PPFIA2: variants seen among roughly 807,000 people sequenced by gnomAD.
PPFIA2 encodes PPFI scaffold protein A2, also known as liprin-alpha-2.
Under a neutral mutation model 175.5 loss-of-function variants are expected in PPFIA2, and 46 were observed. The observed-to-expected ratio is 0.26, with a 90% CI of 0.21 to 0.34. PPFIA2 has a LOEUF of 0.34. Among genes scored for constraint, PPFIA2 ranks in the 10% least tolerant of loss-of-function variants. The pLI is 1.00. For missense variants in PPFIA2, 1,179 were observed against 1,506.1 expected, an observed-to-expected ratio of 0.78 and a Z score of 3.60; for synonymous variants, 568 against 511.4, an observed-to-expected ratio of 1.11 and a Z score of -1.49.
chr12:81,465,835 G>A (rs1454149530), intron 4 of PPFIA2, among the ~76,000 whole-genome samples: 3 of 152,066 alleles, frequency 2.0e-5, no homozygotes, highest in Non-Finnish European at 4.4e-5. Context: ...AAATTCAGAG[G>A]AGTCTTTAGA....
In PPFIA2 at chr12:81,529,376, A is replaced by C. The variant is rs1246757206; in HGVS notation, c.304-71510T>G. On this transcript the variant is annotated intron_variant, in intron 4 of 32. Transcript: ENST00000549396. ...GCATCAAGTGATAAAGTAATGTCTT[A>C]ATTTTCTTGAATTTATATTTTTCTG... Among the ~76,000 whole-genome samples the C allele has an allele frequency of 2.6e-5, 4 of 151,976 alleles. No homozygotes were observed. In the East Asian group the frequency reaches 5.8e-4, roughly 22 times the overall value.
intron 4 of PPFIA2, among the ~76,000 whole-genome samples, chr12:81,623,760 T>G (rs1348393417): frequency 6.6e-6 from 1 of 151,898 alleles, no homozygotes; most frequent in Non-Finnish European, 1.5e-5. Flanking sequence ...TAGCACTCAA[T>G]TTTCCACCTA....
At chr12:81,461,057 CA>C (rs2054452976) in intron 4 of PPFIA2, among the ~76,000 whole-genome samples, 1 of 152,086 alleles carries the variant, frequency 6.6e-6, no homozygotes, top group Non-Finnish European at 1.5e-5. Flanking sequence ...TTTTTACCTT[CA>C]AATATATCAA....
At chr12:81,687,221 C>T (rs901926104) in intron 3 of PPFIA2, among the ~76,000 whole-genome samples, 4 of 151,988 alleles carry the variant, frequency 2.6e-5, no homozygotes, top group Admixed American at 2.6e-4. Flanking sequence ...GATAATCAAA[C>T]CTCTGTACAT....
chr12:81,555,390 G>A (rs751944485), intron 4 of PPFIA2, among the ~76,000 whole-genome samples: 7 of 151,880 alleles, frequency 4.6e-5, no homozygotes, highest in Non-Finnish European at 7.4e-5. Flanking sequence ...TGTATAAAAC[G>A]TCTTCACTGA....
intron 3 of PPFIA2, among the ~76,000 whole-genome samples, chr12:81,752,759 C>A (rs940859956): frequency 6.6e-6 from 1 of 152,100 alleles, no homozygotes. Flanking sequence ...ATCTTTGCTA[C>A]AAGCCATAAC....
At chr12:81,684,611 G>A (rs1439518542) in intron 3 of PPFIA2, among the ~76,000 whole-genome samples, 1 of 152,122 alleles carries the variant, frequency 6.6e-6, no homozygotes, top group East Asian at 1.9e-4. Flanking sequence ...ATGGCTGAAA[G>A]CAATAATGTT....
At chr12:81,679,568 G>C (rs77593226) in intron 3 of PPFIA2, among the ~76,000 whole-genome samples, 2,023 of 151,960 alleles carry the variant, frequency 0.013, 45 homozygotes, top group East Asian at 0.055. Flanking sequence ...GAATGTAGAA[G>C]ATGAATGAAA....
At position 81,394,426 on chromosome 12, in the gene PPFIA2, A is replaced by G. The variant is rs1033432887; in HGVS notation, c.763-10182T>C. 2.0e-5 allele frequency among the ~76,000 whole-genome samples: 3 copies of G among 152,010 alleles called. No homozygotes were observed. In the East Asian group the frequency reaches 5.8e-4, roughly 29 times the overall value. ...TACAACAGAGTTTAATTTATTTTCT[A>G]TTTTTAAAAATTTCACTTCTGTCAG... On this transcript the variant is annotated intron_variant, in intron 8 of 32. Transcript: ENST00000549396.
chr12:81,553,097 A>T (rs1046478895), intron 4 of PPFIA2, among the ~76,000 whole-genome samples: 1 of 151,996 alleles, frequency 6.6e-6, no homozygotes, highest in Admixed American at 6.6e-5. Context: ...GATACATGAA[A>T]TTCCAGAGAA....
At chr12:81,334,301 G>GA (rs1458101562) in intron 21 of PPFIA2, among the ~76,000 whole-genome samples, 2 of 152,062 alleles carry the variant, frequency 1.3e-5, no homozygotes, top group Non-Finnish European at 2.9e-5. Flanking sequence ...TAAGTATAAA[G>GA]TTTGTATTTG....
chr12:81,716,545 AG>A (rs1279231009), intron 3 of PPFIA2, among the ~76,000 whole-genome samples: 1 of 147,204 alleles, frequency 6.8e-6, no homozygotes, highest in African/African-American at 2.4e-5. Context: ...ATACTTGGAA[AG>A]TACCAACACA....
chr12:81,554,061 C>T (rs897122216), intron 4 of PPFIA2, among the ~76,000 whole-genome samples: 30 of 151,824 alleles, frequency 2.0e-4, no homozygotes, highest in Non-Finnish European at 1.0e-4. Context: ...CCAATTTATA[C>T]TAAATATCAC....
At chr12:81,638,686 T>C (rs1010474821) in intron 4 of PPFIA2, among the ~76,000 whole-genome samples, 13 of 124,036 alleles carry the variant, frequency 1.0e-4, no homozygotes, top group Non-Finnish European at 1.7e-4. Flanking sequence ...AATTTTCTTT[T>C]TTTTTTTTTT....
intron 4 of PPFIA2, among the ~76,000 whole-genome samples, chr12:81,638,446 T>C (rs981317329): frequency 2.0e-5 from 3 of 151,908 alleles, no homozygotes; most frequent in Non-Finnish European, 2.9e-5. Context: ...TTCCTAGGAA[T>C]TGATAATTAT....
At position 81,457,753 on chromosome 12, in the gene PPFIA2, C is replaced by A. The variant is rs894861214; in HGVS notation, c.405+12G>T. ...AATAGAATTAATTCCAAAAAGGCTG[C>A]TTTACACTTACTCTTGTGTTGTTTC... On this transcript the variant is annotated intron_variant, in intron 5 of 32. Transcript: ENST00000549396. 1 of 1,553,670 alleles carries A rather than the reference C, an allele frequency of 6.4e-7. No individual in the cohort carries two copies. The highest frequency in any genetic ancestry group is 8.8e-7 in the Non-Finnish European group (1 of 1,137,992).
At chr12:81,675,632 G>A (rs2153568664) in intron 4 of PPFIA2, 1 of 152,120 alleles carries the variant, frequency 6.6e-6, no homozygotes, top group African/African-American at 2.4e-5. Flanking sequence ...TCTGATGTAA[G>A]TTGAATTCTA....
At chr12:81,372,525 A>C (rs1359887470) in intron 11 of PPFIA2, among the ~76,000 whole-genome samples, 1 of 150,672 alleles carries the variant, frequency 6.6e-6, no homozygotes, top group Non-Finnish European at 1.5e-5. Flanking sequence ...AAAAAAAAAA[A>C]AAAACAGATA....
chr12:81,694,425 C>CTAGTGCTGCCAGATACTGA (rs2075650874), intron 3 of PPFIA2, among the ~76,000 whole-genome samples: 1 of 152,140 alleles, frequency 6.6e-6, no homozygotes, highest in Non-Finnish European at 1.5e-5. Context: ...CCAGATACTG[C>CTAGTGCTGCCAGATACTGA]TAGTGCTGCC....
Sources: allele counts gnomAD v4.1 joint callset (sites outside exome capture counted in the v4.1 genomes callset), GRCh38; gene constraint gnomAD v4.1.1; transcripts MANE v1.5; gene names NCBI Gene and HGNC (gene_info 2026-07-23, HGNC 2026-07-21).